Variants in WDR19 observed in about 807,000 individuals in gnomAD.
WDR19 encodes WD repeat-containing protein 19.
WDR19 carries 121 observed loss-of-function variants against 180.0 expected under a neutral mutation model. The observed-to-expected ratio is 0.67, with a 90% CI of 0.58 to 0.78. The LOEUF (loss-of-function observed/expected upper bound fraction) is 0.78. Ranked by LOEUF, WDR19 falls within the 30% of genes least tolerant of loss-of-function variation. The probability of loss-of-function intolerance (pLI) is 0.00; values close to 1 mark genes in which losing one functional copy is unlikely to be tolerated. For missense variants in WDR19, 1,450 were observed against 1,640.7 expected (o/e 0.88, Z 2.01); for synonymous variants, 497 against 540.7 (o/e 0.92, Z 1.12).
intron 36 of WDR19, among the ~76,000 whole-genome samples, chr4:39,281,236 T>TATATATATAGAG (rs762298152): frequency 5.6e-4 from 58 of 104,026 alleles, no homozygotes; most frequent in African/African-American, 2.7e-3. Context: ...TATATATATA[T>TATATATATAGAG]AGAGAGAGAG....
At chr4:39,284,078 T>G (rs1429446760) in intron 36 of WDR19, among the ~76,000 whole-genome samples, 1 of 152,122 alleles carries the variant, frequency 6.6e-6, no homozygotes, top group Non-Finnish European at 1.5e-5. Flanking sequence ...CTTGGGATTT[T>G]CTAGAATTCT....
At chr4:39,242,781 C>T (rs1354691909) in intron 21 of WDR19, among the ~76,000 whole-genome samples, 1 of 152,260 alleles carries the variant, frequency 6.6e-6, no homozygotes, top group East Asian at 1.9e-4. Context: ...GATTCTCGTA[C>T]CTCTCAGCCT....
intron 1 of WDR19, among the ~76,000 whole-genome samples, chr4:39,184,959 A>G (rs555320077): frequency 2.6e-5 from 4 of 152,296 alleles, no homozygotes; most frequent in African/African-American, 9.6e-5. Flanking sequence ...TTAATAATAT[A>G]TTTTATCTTA....
intron 6 of WDR19, among the ~76,000 whole-genome samples, chr4:39,201,960 T>A (rs894386038): frequency 6.6e-6 from 1 of 152,228 alleles, no homozygotes; most frequent in East Asian, 1.9e-4. Flanking sequence ...TTGTTTTAAC[T>A]TTGGCATTCT....
At chr4:39,244,615 C>A (rs1326612843) in intron 23 of WDR19, 63 bp downstream of exon 23, 2 of 1,569,604 alleles carry the variant, frequency 1.3e-6, no homozygotes, top group African/African-American at 2.7e-5. Context: ...CTGGGGTCTC[C>A]CCACTTGCCT....
intron 36 of WDR19, among the ~76,000 whole-genome samples, chr4:39,284,730 T>C (rs1403299984): frequency 6.6e-6 from 1 of 152,010 alleles, no homozygotes; most frequent in Non-Finnish European, 1.5e-5. Context: ...AAGTGGAACC[T>C]TGTATTTTTA....
intron 36 of WDR19, among the ~76,000 whole-genome samples, chr4:39,279,821 G>C (rs1479102364): frequency 6.6e-6 from 1 of 151,220 alleles, no homozygotes; most frequent in Non-Finnish European, 1.5e-5. Flanking sequence ...CGTGCCTCAG[G>C]CTCCCTGAGT....
intron 36 of WDR19, among the ~76,000 whole-genome samples, chr4:39,280,937 A>G (rs964136927): frequency 1.3e-5 from 2 of 152,066 alleles, no homozygotes; most frequent in Non-Finnish European, 2.9e-5. Context: ...CTTCTTTTGC[A>G]TGTAGATATC....
chr4:39,187,334 C>A (rs370234052), intron 3 of WDR19, among the ~76,000 whole-genome samples: 1 of 150,726 alleles, frequency 6.6e-6, no homozygotes, highest in South Asian at 2.1e-4. Flanking sequence ...GCAGGAGAAT[C>A]ACTTGAACCC....
At chr4:39,216,405 A>G (rs931889639) in intron 12 of WDR19, among the ~76,000 whole-genome samples, 195 bp downstream of exon 12, 4 of 152,240 alleles carry the variant, frequency 2.6e-5, no homozygotes, top group Non-Finnish European at 5.9e-5. Context: ...TTACCTTTGT[A>G]GTGAAGGCAG....
At chr4:39,262,922 C>G (rs1358064077) in intron 28 of WDR19, among the ~76,000 whole-genome samples, 2 of 152,108 alleles carry the variant, frequency 1.3e-5, no homozygotes, top group Admixed American at 1.3e-4. Context: ...TTCTTGGGGA[C>G]CTTCCCCTGG....
intron 15 of WDR19, among the ~76,000 whole-genome samples, chr4:39,225,890 A>G (rs1028056837): frequency 1.3e-4 from 19 of 150,724 alleles, no homozygotes; most frequent in African/African-American, 4.7e-4. Context: ...TTTGACAAGT[A>G]TAACAAATTT....
At chr4:39,246,199 A>T (rs1732498743) in intron 24 of WDR19, among the ~76,000 whole-genome samples, 1 of 152,238 alleles carries the variant, frequency 6.6e-6, no homozygotes, top group Non-Finnish European at 1.5e-5. Context: ...CTTATATTAC[A>T]CAACTGATAG....
chr4:39,200,700 A>G (rs1265547246), intron 6 of WDR19, among the ~76,000 whole-genome samples: 1 of 152,170 alleles, frequency 6.6e-6, no homozygotes, highest in Non-Finnish European at 1.5e-5. Flanking sequence ...CACTTTTGCC[A>G]TATTTTGTTC....
At chr4:39,263,956 G>A (rs1422687010) in intron 28 of WDR19, among the ~76,000 whole-genome samples, 1 of 151,516 alleles carries the variant, frequency 6.6e-6, no homozygotes, top group Non-Finnish European at 1.5e-5. Flanking sequence ...CACCTACTGA[G>A]TGCTGACCCT....
At position 39,218,280 on chromosome 4, in the gene WDR19, C is replaced by CT. The variant is rs1028163480; in HGVS notation, c.1479+176dup. The stretch of plus-strand genomic sequence containing the variant: ...TGTCTCTTTGCAGTGGGGATACATT[C>CT]TGAGAAACGTGTCATTGGGCAATTT... On this transcript the variant is annotated intron_variant, in intron 14 of 36. Transcript: ENST00000399820. The CT allele has an allele frequency of 2.3e-5, 19 of 840,860 alleles. No individual in the cohort carries two copies. The African/African-American group carries it at 3.2e-4, about 14-fold the overall frequency. The allele number at this position is 840,860 out of a possible 1,614,324, so 52.1% of individuals were successfully genotyped here. A position where few individuals can be genotyped will look rare whatever the true frequency, so the allele number is the denominator to read the frequency against.
rs368949539 is a variant in WDR19, at chr4:39,280,141, T to TTTTTTTTTTTA, written c.*13+1478_*13+1479insTTTTTTTTTTA. Among the ~76,000 whole-genome samples the TTTTTTTTTTTA allele has an allele frequency of 1.9e-3, 164 of 88,380 alleles. 27 individuals carry two copies. The highest frequency in any genetic ancestry group is 0.013 in the Middle Eastern group (1 of 76). 58.0% of individuals were successfully genotyped at this position (88,380 alleles called of 152,430 possible). On this transcript the variant is annotated intron_variant, in intron 36 of 36. Coordinates refer to ENST00000399820, the MANE Select transcript of WDR19 (RefSeq NM_025132.4). ...CTTGTTTTTTTTTTTTTTTTTTTTT[T>TTTTTTTTTTTA]AATAGAGGCAGGGTCTCGCCACATT...
rs763555032 is a variant in WDR19 at position 39,278,635 on chromosome 4, G to A, written c.4014G>A (p.Thr1338=). 2.0e-5 allele frequency: 33 copies of A among 1,611,666 alleles called. No individual in the cohort carries two copies. The highest frequency in any genetic ancestry group is 8.9e-5 in the East Asian group (4 of 44,824). ...KISDCTQYLR[T]EEEL is the part of the protein sequence containing the mutation. The stretch of plus-strand genomic sequence containing the variant: ...CAGACTGTACCCAGTACCTGCGAAC[G>A]GAGGAGGAACTGTGATTGGCACGTG... Residue 1338 remains threonine (T), a synonymous_variant, in exon 36 of 37, where the codon ACG becomes ACA. Transcript: ENST00000399820.
At chr4:39,249,901 A>C (rs1465096796) in intron 24 of WDR19, among the ~76,000 whole-genome samples, 1 of 152,172 alleles carries the variant, frequency 6.6e-6, no homozygotes, top group African/African-American at 2.4e-5. Context: ...TTCACAGCCA[A>C]ATTCTACCAG....
Sources: gnomAD v4.1 joint callset for allele counts (sites outside exome capture counted in the v4.1 genomes callset) on GRCh38, gnomAD v4.1.1 for gene constraint, MANE v1.5 for transcripts, NCBI Gene and HGNC (gene_info 2026-07-23, HGNC 2026-07-21) for gene names.